The following PALS2 variants were observed in gnomAD, a reference collection of about 807,000 sequenced individuals.
PALS2 encodes the protein protein PALS2.
A neutral mutation model predicts 61.6 loss-of-function variants in PALS2; 27 were observed. The ratio of observed to expected loss-of-function variants is 0.44; its 90% CI spans 0.32 to 0.60. The LOEUF (loss-of-function observed/expected upper bound fraction) is 0.60, where lower values mean the gene tolerates loss of function less well. PALS2 is among the 20% of genes least tolerant of loss of function. PALS2 has a pLI of 0.05. For synonymous variants in PALS2, 236 were observed against 218.6 expected (o/e 1.08, Z -0.70); for missense variants, 554 against 639.4 (o/e 0.87, Z 1.44).
At chr7:24,584,986 T>C (rs1312680371) in intron 1 of PALS2, among the ~76,000 whole-genome samples, 1 of 151,790 alleles carries the variant, frequency 6.6e-6, no homozygotes, top group Admixed American at 6.5e-5. Flanking sequence ...TATGTGGCAT[T>C]ATTTCTGAGG....
At chr7:24,626,353 T>C (rs1444945442) in intron 2 of PALS2, among the ~76,000 whole-genome samples, 1 of 152,132 alleles carries the variant, frequency 6.6e-6, no homozygotes, top group East Asian at 1.9e-4. Context: ...ACTCAAAATA[T>C]CTAATATATG....
chr7:24,666,354 C>T (rs1373884310), intron 8 of PALS2, among the ~76,000 whole-genome samples: 2 of 152,112 alleles, frequency 1.3e-5, no homozygotes, highest in African/African-American at 4.8e-5. Flanking sequence ...AATCAAGAAG[C>T]AGTATCATAA....
intron 1 of PALS2, among the ~76,000 whole-genome samples, chr7:24,601,855 A>AT (rs1005662828): frequency 3.9e-5 from 6 of 152,008 alleles, no homozygotes; most frequent in African/African-American, 1.4e-4. Context: ...TTGACACGTG[A>AT]TTTTTTTCTT....
intron 5 of PALS2, among the ~76,000 whole-genome samples, chr7:24,651,692 G>C (rs1786160253): frequency 6.6e-6 from 1 of 152,152 alleles, no homozygotes; most frequent in Admixed American, 6.5e-5. Context: ...AAGTAATGTA[G>C]AAGTAGATGC....
chr7:24,638,922 T>G (rs1289746010), intron 2 of PALS2, among the ~76,000 whole-genome samples: 1 of 152,238 alleles, frequency 6.6e-6, no homozygotes, highest in East Asian at 1.9e-4. Flanking sequence ...CAAGGACTAC[T>G]GTTGTCTAAA....
Position 24,573,646 on chromosome 7 carries a change from G to C in PALS2, c.-3+53G>C, listed in dbSNP as rs1411514472. ...CGGGTAACGGTCGCGCCGCGCGCCG[G>C]GCCGGCCGGGGGCGCCCTGTTGCTC... is the stretch of plus-strand genomic sequence containing the variant. On this transcript the variant is annotated intron_variant, in intron 1 of 11. Coordinates refer to ENST00000222644, the MANE Select transcript of PALS2 (RefSeq NM_001303037.2). The surrounding 1 kb of genome is among the most constrained non-coding windows in gnomAD (Gnocchi z 5.3). The C allele has an allele frequency of 7.2e-6, 2 of 277,598 alleles. No homozygotes were observed. Among genetic ancestry groups the C allele is most frequent in the Non-Finnish European group, 6.7e-6 (1 of 149,298 alleles). 17.2% of individuals were successfully genotyped at this position (277,598 alleles called of 1,614,324 possible). A position where few individuals can be genotyped will look rare whatever the true frequency, so the allele number is the denominator to read the frequency against.
intron 2 of PALS2, among the ~76,000 whole-genome samples, chr7:24,624,895 C>T (rs974669207): frequency 1.6e-4 from 25 of 152,148 alleles, no homozygotes; most frequent in South Asian, 4.2e-4. Context: ...CCACCAGGCC[C>T]GGCCAATGAT....
In PALS2 at chr7:24,681,995, T is replaced by C. The variant is rs574368153; in HGVS notation, c.1446+1475T>C. ...TGGTTTTGATTGAATGATTTTTCTC[T>C]TTATTATGAGTATATCTTCCTGCTT... On this transcript the variant is annotated intron_variant, in intron 11 of 11. Coordinates refer to ENST00000222644, the MANE Select transcript of PALS2 (RefSeq NM_001303037.2). Among the ~76,000 whole-genome samples, 313 of 152,342 alleles carry C rather than the reference T, an allele frequency of 2.1e-3. 1 individual carries two copies. Among genetic ancestry groups the C allele is most frequent in the Non-Finnish European group, 3.8e-3 (260 of 68,030 alleles).
At chr7:24,602,363 T>C (rs988694978) in intron 1 of PALS2, among the ~76,000 whole-genome samples, 6 of 152,184 alleles carry the variant, frequency 3.9e-5, no homozygotes, top group Admixed American at 3.3e-4. Context: ...CTATCCAGTA[T>C]CCCAAGATTC....
At chr7:24,589,929 C>T (rs933775927) in intron 1 of PALS2, among the ~76,000 whole-genome samples, 1 of 152,134 alleles carries the variant, frequency 6.6e-6, no homozygotes, top group African/African-American at 2.4e-5. Context: ...TTGTCCTGAC[C>T]TGAACACTAC....
At chr7:24,666,771 AC>A (rs1787040152) in intron 8 of PALS2, 1 of 152,096 alleles carries the variant, frequency 6.6e-6, no homozygotes, top group South Asian at 2.1e-4. Context: ...GTAAAATAAG[AC>A]CCCAGACCTG....
rs1025206110 is a variant in PALS2, at chr7:24,693,208, T to A, written c.*5594T>A. 2 of 152,178 alleles carry A rather than the reference T, an allele frequency of 1.3e-5. No individual in the cohort carries two copies. The highest frequency in any genetic ancestry group is 2.9e-5 in the Non-Finnish European group (2 of 68,026). 9.4% of individuals were successfully genotyped at this position (152,178 alleles called of 1,614,324 possible). ...TGCTTGTAAAGCAACTGTCTTTGAA[T>A]CTTATGAAATAGGTGGTGTTGCTAC... On this transcript the variant is annotated 3_prime_UTR_variant, in exon 12 of 12. Coordinates refer to ENST00000222644, the MANE Select transcript of PALS2 (RefSeq NM_001303037.2).
chr7:24,682,401 C>A (rs182549200), intron 11 of PALS2, among the ~76,000 whole-genome samples: 2 of 152,304 alleles, frequency 1.3e-5, no homozygotes, highest in East Asian at 3.9e-4. Flanking sequence ...TGCTGCTCTT[C>A]CCCTCTGGCA....
At position 24,693,785 on chromosome 7, in the gene PALS2, A is replaced by G; in HGVS notation, c.*6171A>G. 6.6e-6 allele frequency: 1 copy of G among 152,160 alleles called. No homozygotes were observed. Among genetic ancestry groups the G allele is most frequent in the Non-Finnish European group, 1.5e-5 (1 of 68,030 alleles). The allele number at this position is 152,160 out of a possible 1,614,324, so 9.4% of individuals were successfully genotyped here. On this transcript the variant is annotated 3_prime_UTR_variant, in exon 12 of 12. Transcript: ENST00000222644. The stretch of plus-strand genomic sequence containing the variant: ...TGTTGGACTCTGTTGTAGAAGAATG[A>G]GCACTAGTATTCAGCAACAAGTGCA...
At chr7:24,615,197 T>A (rs1402871251) in intron 1 of PALS2, among the ~76,000 whole-genome samples, 1 of 151,698 alleles carries the variant, frequency 6.6e-6, no homozygotes, top group Non-Finnish European at 1.5e-5. Context: ...AGGAGAAAGA[T>A]TTCAAATAAC....
chr7:24,686,079 CTG>C (rs1192758578), intron 11 of PALS2, among the ~76,000 whole-genome samples: 1 of 152,212 alleles, frequency 6.6e-6, no homozygotes, highest in African/African-American at 2.4e-5. Context: ...CCCCTCAACT[CTG>C]TATCTCCCAC....
intron 5 of PALS2, among the ~76,000 whole-genome samples, chr7:24,662,793 AAAAG>A (rs1328804708): frequency 2.8e-4 from 36 of 127,880 alleles, no homozygotes; most frequent in Non-Finnish European, 4.1e-4. Flanking sequence ...AAAAAAAAAA[AAAAG>A]AAAGAAAGAA....
At chr7:24,636,728 T>C (rs1014694411) in intron 2 of PALS2, among the ~76,000 whole-genome samples, 13 of 152,190 alleles carry the variant, frequency 8.5e-5, no homozygotes, top group African/African-American at 2.9e-4. Context: ...TGAATTTCTT[T>C]GCTGAAACTC....
At chr7:24,602,348 C>G (rs1397798030) in intron 1 of PALS2, among the ~76,000 whole-genome samples, 7 of 151,960 alleles carry the variant, frequency 4.6e-5, no homozygotes, top group African/African-American at 1.7e-4. Flanking sequence ...CTAGGCTTTT[C>G]TCAGCTATCC....
Sources: gnomAD v4.1 joint callset for allele counts (sites outside exome capture counted in the v4.1 genomes callset) on GRCh38, gnomAD v4.1.1 for gene constraint, Gnocchi (gnomAD v3.1) non-coding constraint, MANE v1.5 for transcripts, NCBI Gene and HGNC (gene_info 2026-07-23, HGNC 2026-07-21) for gene names.